Variants in MTUS2 observed in about 807,000 individuals in gnomAD.
MTUS2 encodes the protein microtubule-associated tumor suppressor candidate 2.
In MTUS2, 40 loss-of-function variants were observed where a neutral mutation model predicts 114.1. That is an observed-to-expected ratio of 0.35 (90% confidence interval 0.27 to 0.46). MTUS2 has a LOEUF of 0.46. Ranked by LOEUF, MTUS2 falls within the 20% of genes least tolerant of loss-of-function variation. The probability of loss-of-function intolerance (pLI) is 1.00; values close to 1 mark genes in which losing one functional copy is unlikely to be tolerated. For synonymous variants in MTUS2, 688 were observed against 672.0 expected, an observed-to-expected ratio of 1.02 and a Z score of -0.37; for missense variants, 1,679 against 1,705.4, an observed-to-expected ratio of 0.98 and a Z score of 0.27.
rs1440720491 is a variant in MTUS2, at chr13:29,497,345, T to C, written c.3678+9T>C. The stretch of plus-strand genomic sequence containing the variant: ...CAGAGGAGCAGCTGGAGGTCGTTTC[T>C]GGATTCCAGGCTTCCAGCCCCGCAG... On this transcript the variant is annotated intron_variant, in intron 13 of 15. Transcript: ENST00000612955. 1.2e-6 allele frequency: 2 copies of C among 1,607,206 alleles called. No homozygotes were observed. Among genetic ancestry groups the C allele is most frequent in the South Asian group, 1.1e-5 (1 of 90,150 alleles).
chr13:29,034,477 T>G (rs1224672695), intron 4 of MTUS2, among the ~76,000 whole-genome samples: 1 of 152,192 alleles, frequency 6.6e-6, no homozygotes, highest in Non-Finnish European at 1.5e-5. Context: ...CATAACTGTT[T>G]AGGGCCTTGG....
At chr13:29,195,108 G>T (rs1478819675) in intron 5 of MTUS2, among the ~76,000 whole-genome samples, 1 of 134,246 alleles carries the variant, frequency 7.4e-6, no homozygotes, top group African/African-American at 2.7e-5. Context: ...TGGGGGGAGG[G>T]GGTAGGGATA....
chr13:29,065,778 C>T (rs935273483), intron 4 of MTUS2, among the ~76,000 whole-genome samples: 4 of 152,160 alleles, frequency 2.6e-5, no homozygotes, highest in Non-Finnish European at 5.9e-5. Flanking sequence ...TTAATCTATA[C>T]CTCTCTTAGC....
At chr13:29,430,149 G>A (rs927214915) in intron 8 of MTUS2, among the ~76,000 whole-genome samples, 1 of 146,190 alleles carries the variant, frequency 6.8e-6, no homozygotes, top group African/African-American at 2.4e-5. Context: ...AAAGAGTATT[G>A]AAGACTTACA....
chr13:29,440,205 C>T (rs944167435), intron 9 of MTUS2, among the ~76,000 whole-genome samples, 156 bp downstream of exon 9: 1 of 152,166 alleles, frequency 6.6e-6, no homozygotes, highest in African/African-American at 2.4e-5. Flanking sequence ...GCTGCTGTAG[C>T]CTTAGCGGGG....
At chr13:29,389,239 G>T (rs1378602959) in intron 8 of MTUS2, among the ~76,000 whole-genome samples, 1 of 98,304 alleles carries the variant, frequency 1.0e-5, no homozygotes, top group Admixed American at 9.5e-5. Context: ...ATATGTATGT[G>T]TGTATATATA....
chr13:28,857,630 T>C (rs772108145), intron 2 of MTUS2, among the ~76,000 whole-genome samples: 1 of 152,224 alleles, frequency 6.6e-6, no homozygotes, highest in Non-Finnish European at 1.5e-5. Flanking sequence ...CTGAAGGGAA[T>C]GGAAATACAT....
intron 2 of MTUS2, among the ~76,000 whole-genome samples, chr13:28,914,722 T>C (rs1880650765): frequency 6.6e-6 from 1 of 152,126 alleles, no homozygotes; most frequent in Non-Finnish European, 1.5e-5. Flanking sequence ...AGTCTAAGTC[T>C]CCTTGTAGGT....
chr13:29,321,802 G>A (rs945792722), intron 6 of MTUS2, among the ~76,000 whole-genome samples: 2 of 152,104 alleles, frequency 1.3e-5, no homozygotes, highest in Admixed American at 6.5e-5. Flanking sequence ...TAAAAGTTTG[G>A]TACCTTATCT....
intron 1 of MTUS2, among the ~76,000 whole-genome samples, chr13:28,821,396 C>T (rs1260682608): frequency 6.6e-6 from 1 of 152,136 alleles, no homozygotes; most frequent in Non-Finnish European, 1.5e-5. Context: ...TAAAAAGATC[C>T]TACATGTATA....
Position 29,480,020 on chromosome 13 carries a change from A to T in MTUS2, c.3185-130A>T. Reference sequence around the variant, plus strand: ...AAGGAAAGCACTTTACAAACTGTGTAGCCCTGCAGAAGTCAGAGGACCTCG... The same window carrying T: ...AAGGAAAGCACTTTACAAACTGTGTTGCCCTGCAGAAGTCAGAGGACCTCG... On this transcript the variant is annotated intron_variant, in intron 9 of 15. Coordinates refer to ENST00000612955, the MANE Select transcript of MTUS2 (RefSeq NM_001033602.4). This position sits in a 1 kb window ranked among gnomAD's most constrained non-coding sequence, Gnocchi z 4.4. 1 of 828,292 alleles carries T rather than the reference A, an allele frequency of 1.2e-6. No homozygotes were observed. The allele number at this position is 828,292 out of a possible 1,614,324, so 51.3% of individuals were successfully genotyped here.
intron 4 of MTUS2, among the ~76,000 whole-genome samples, chr13:29,041,105 C>A (rs1304092963): frequency 6.6e-6 from 1 of 152,092 alleles, no homozygotes; most frequent in Non-Finnish European, 1.5e-5. Context: ...AGATTTAAGT[C>A]TTTGATCCAT....
chr13:29,158,358 C>CCCCCCCTTTTT, intron 5 of MTUS2, among the ~76,000 whole-genome samples: 9 of 32,048 alleles, frequency 2.8e-4, no homozygotes, highest in Admixed American at 4.2e-4. Flanking sequence ...GTCCACCCCG[C>CCCCCCCTTTTT]TTTTTTTTTT....
At chr13:29,285,084 G>A (rs1288060586) in intron 6 of MTUS2, among the ~76,000 whole-genome samples, 3 of 149,802 alleles carry the variant, frequency 2.0e-5, no homozygotes, top group African/African-American at 7.4e-5. Flanking sequence ...AGCTCCTACT[G>A]GTAAAAAAGA....
chr13:29,055,343 T>G (rs1747561011), intron 4 of MTUS2, among the ~76,000 whole-genome samples: 1 of 152,130 alleles, frequency 6.6e-6, no homozygotes, highest in South Asian at 2.1e-4. Context: ...GCTATTAATA[T>G]AGTACTCTAG....
intron 6 of MTUS2, among the ~76,000 whole-genome samples, chr13:29,312,820 T>G (rs1470182991): frequency 6.6e-6 from 1 of 152,206 alleles, no homozygotes; most frequent in Non-Finnish European, 1.5e-5. Context: ...CTCATTTTGT[T>G]TCAAGCAGTA....
chr13:29,477,471 G>A (rs1006760402), intron 9 of MTUS2, among the ~76,000 whole-genome samples: 6 of 152,096 alleles, frequency 3.9e-5, no homozygotes, highest in African/African-American at 1.4e-4. Context: ...GAACAGGCAT[G>A]TCCTCACCCC....
chr13:29,358,320 C>G (rs1869924546), intron 7 of MTUS2, among the ~76,000 whole-genome samples: 1 of 152,104 alleles, frequency 6.6e-6, no homozygotes, highest in Non-Finnish European at 1.5e-5. Flanking sequence ...GGGGACCTTG[C>G]CTTTTCTTTT....
At chr13:29,336,878 C>T (rs752529767) in intron 7 of MTUS2, among the ~76,000 whole-genome samples, 14 of 152,212 alleles carry the variant, frequency 9.2e-5, no homozygotes, top group Non-Finnish European at 1.5e-4. Flanking sequence ...CTGGCTACAG[C>T]GGCTTTGCAG....
Sources: gnomAD v4.1 joint callset for allele counts (sites outside exome capture counted in the v4.1 genomes callset) on GRCh38, gnomAD v4.1.1 for gene constraint, Gnocchi (gnomAD v3.1) non-coding constraint, MANE v1.5 for transcripts, NCBI Gene and HGNC (gene_info 2026-07-23, HGNC 2026-07-21) for gene names.